The following LRRC8B variants were observed in gnomAD, a reference collection of about 807,000 sequenced individuals.
LRRC8B encodes volume-regulated anion channel subunit LRRC8B.
LRRC8B carries 23 observed loss-of-function variants against 58.8 expected under a neutral mutation model. The observed-to-expected ratio is 0.39, with a 90% CI of 0.28 to 0.55. The LOEUF (loss-of-function observed/expected upper bound fraction) is 0.55, where lower values mean the gene tolerates loss of function less well. LRRC8B is among the 20% of genes least tolerant of loss of function. The pLI is 0.62. For synonymous variants in LRRC8B, 359 were observed against 374.1 expected (o/e 0.96, Z 0.47); for missense variants, 694 against 936.0 (o/e 0.74, Z 3.37).
chr1:89,527,302 T>G (rs1012290774), intron 1 of LRRC8B, among the ~76,000 whole-genome samples: 2 of 152,254 alleles, frequency 1.3e-5, no homozygotes, highest in Non-Finnish European at 2.9e-5. Flanking sequence ...TTGGTGTCTC[T>G]AAAGTTGAAT....
At chr1:89,551,054 C>T (rs1159793690) in intron 1 of LRRC8B, among the ~76,000 whole-genome samples, 3 of 152,108 alleles carry the variant, frequency 2.0e-5, no homozygotes, top group African/African-American at 4.8e-5. Context: ...TTTGTGAAGT[C>T]GTCCCCCTCT....
chr1:89,581,734 C>T (rs1654238941), intron 4 of LRRC8B, among the ~76,000 whole-genome samples: 1 of 152,242 alleles, frequency 6.6e-6, no homozygotes. Context: ...CAACATTAAA[C>T]ATGAGAGGGA....
intron 1 of LRRC8B, among the ~76,000 whole-genome samples, chr1:89,556,432 T>C (rs935945121): frequency 3.3e-5 from 5 of 152,244 alleles, no homozygotes; most frequent in Admixed American, 6.5e-5. Flanking sequence ...AAGAGAGCGT[T>C]ATGGGAACCC....
Position 89,593,077 on chromosome 1 carries a change from T to G in LRRC8B, c.*34T>G, listed in dbSNP as rs1655094506. The G allele has an allele frequency of 1.9e-6, 3 of 1,600,930 alleles. No homozygotes were observed. The highest frequency in any genetic ancestry group is 1.7e-4 in the Middle Eastern group (1 of 5,994). On this transcript the variant is annotated 3_prime_UTR_variant, in exon 6 of 6. Coordinates refer to ENST00000330947, the MANE Select transcript of LRRC8B (RefSeq NM_001369817.2). ...AAAGAGACCCGTGTTTCAAAATCATTTTTAAAAGTATGCTCGGCCGGGCGT... is the reference window on the plus strand; with the variant it reads ...AAAGAGACCCGTGTTTCAAAATCATGTTTAAAAGTATGCTCGGCCGGGCGT...
chr1:89,570,426 T>A (rs1001718582), intron 3 of LRRC8B, among the ~76,000 whole-genome samples: 3 of 152,212 alleles, frequency 2.0e-5, no homozygotes, highest in Non-Finnish European at 4.4e-5. Flanking sequence ...TGGTGTGAGA[T>A]GGTGTCTCAT....
chr1:89,540,126 A>G (rs1348422013), intron 1 of LRRC8B, among the ~76,000 whole-genome samples: 1 of 152,158 alleles, frequency 6.6e-6, no homozygotes, highest in Non-Finnish European at 1.5e-5. Context: ...CAGCTACTCA[A>G]TTCCATCACC....
intron 1 of LRRC8B, among the ~76,000 whole-genome samples, chr1:89,536,496 A>C (rs1047522206): frequency 8.5e-5 from 13 of 152,218 alleles, no homozygotes; most frequent in African/African-American, 3.1e-4. Context: ...GTTTTCATTC[A>C]ATACATTTTT....
chr1:89,530,214 C>T (rs1334706438), intron 1 of LRRC8B, among the ~76,000 whole-genome samples: 4 of 151,216 alleles, frequency 2.6e-5, no homozygotes, highest in Admixed American at 6.6e-5. Flanking sequence ...AAAAAATTAG[C>T]CGGGCATAGT....
chr1:89,562,147 C>T (rs1652710360), intron 1 of LRRC8B, among the ~76,000 whole-genome samples: 1 of 76,100 alleles, frequency 1.3e-5, no homozygotes, highest in Non-Finnish European at 3.4e-5. Flanking sequence ...AACCACCTCC[C>T]AAAACACACA....
At chr1:89,564,292 C>A (rs1456995254) in intron 1 of LRRC8B, among the ~76,000 whole-genome samples, 1 of 152,178 alleles carries the variant, frequency 6.6e-6, no homozygotes, top group Non-Finnish European at 1.5e-5. Flanking sequence ...AGATGGAATA[C>A]TGAGCAATGA....
intron 1 of LRRC8B, among the ~76,000 whole-genome samples, chr1:89,541,322 C>T (rs1650950226): frequency 6.6e-6 from 1 of 152,154 alleles, no homozygotes. Context: ...CTAAAACCTC[C>T]TGGGCAGAGA....
At chr1:89,525,158 T>G (rs1649564068) in intron 1 of LRRC8B, 136 bp downstream of exon 1, 2 of 152,344 alleles carry the variant, frequency 1.3e-5, no homozygotes, top group South Asian at 4.1e-4. Context: ...ACGCCTCACC[T>G]GCGAGCCAGG....
intron 5 of LRRC8B, among the ~76,000 whole-genome samples, chr1:89,585,024 C>T (rs1318379268): frequency 6.6e-6 from 1 of 152,188 alleles, no homozygotes; most frequent in Non-Finnish European, 1.5e-5. Context: ...ATAATAGTTG[C>T]TCAGCAAATG....
At chr1:89,554,157 C>T (rs1219083917) in intron 1 of LRRC8B, among the ~76,000 whole-genome samples, 1 of 152,100 alleles carries the variant, frequency 6.6e-6, no homozygotes, top group Non-Finnish European at 1.5e-5. Context: ...ACTCTTAGCC[C>T]CATCATTTCT....
intron 1 of LRRC8B, among the ~76,000 whole-genome samples, chr1:89,543,646 C>G (rs1447425325): frequency 6.6e-6 from 1 of 151,992 alleles, no homozygotes; most frequent in Non-Finnish European, 1.5e-5. Flanking sequence ...CAGGCACATG[C>G]CAGCAGCCCT....
chr1:89,561,140 A>G (rs1652616430), intron 1 of LRRC8B, among the ~76,000 whole-genome samples: 1 of 151,838 alleles, frequency 6.6e-6, no homozygotes, highest in Non-Finnish European at 1.5e-5. Flanking sequence ...ATGGCCAGTG[A>G]TGATGAGCAT....
intron 4 of LRRC8B, among the ~76,000 whole-genome samples, chr1:89,580,771 T>A (rs779502447): frequency 6.6e-6 from 1 of 152,142 alleles, no homozygotes; most frequent in Non-Finnish European, 1.5e-5. Flanking sequence ...TATTATGTGA[T>A]ACCCAGAGAG....
chr1:89,592,966 AT>A lies in LRRC8B; in HGVS notation c.2337del (p.Ile779MetfsTer14). 6.2e-7 allele frequency: 1 copy of A among 1,614,148 alleles called. No individual in the cohort carries two copies. The highest frequency in any genetic ancestry group is 8.5e-7 in the Non-Finnish European group (1 of 1,179,994). ...GCQSLKRNCL[I>X]VEENLLNTLP... Reference sequence around the variant, plus strand: ...TCAGTCCCTAAAACGGAACTGTCTGATTGTTGAGGAGAACTTGCTCAATACT... The same window carrying A: ...TCAGTCCCTAAAACGGAACTGTCTGATGTTGAGGAGAACTTGCTCAATACT... On this transcript the variant is annotated frameshift_variant, in exon 6 of 6. Coordinates refer to ENST00000330947, the MANE Select transcript of LRRC8B (RefSeq NM_001369817.2). LOFTEE classifies it high-confidence loss of function.
chr1:89,540,915 A>G (rs1450127479), intron 1 of LRRC8B, among the ~76,000 whole-genome samples: 1 of 152,230 alleles, frequency 6.6e-6, no homozygotes, highest in Admixed American at 6.5e-5. Context: ...AACTGTGATT[A>G]CTGACATTTT....
Sources: allele counts gnomAD v4.1 joint callset (sites outside exome capture counted in the v4.1 genomes callset), GRCh38; gene constraint gnomAD v4.1.1; transcripts MANE v1.5; gene names NCBI Gene and HGNC (gene_info 2026-07-23, HGNC 2026-07-21).